The following WDR44 variants were observed in gnomAD, a reference collection of about 807,000 sequenced individuals.
WDR44 encodes the protein WD repeat-containing protein 44.
WDR44 carries 9 observed loss-of-function variants against 65.7 expected under a neutral mutation model. That is an observed-to-expected ratio of 0.14 (90% confidence interval 0.08 to 0.24). The LOEUF (loss-of-function observed/expected upper bound fraction) is 0.24. Ranked by LOEUF, WDR44 falls within the 10% of genes least tolerant of loss-of-function variation. The pLI is 1.00. For missense variants in WDR44, 425 were observed against 670.9 expected (o/e 0.63, Z 4.05); for synonymous variants, 220 against 235.2 (o/e 0.94, Z 0.59).
Position 118,443,570 on chromosome X carries a change from A to G in WDR44, c.2395A>G (p.Thr799Ala). The change falls in exon 18 of 20, where the codon ACT (threonine) becomes GCT (alanine). Residue 799 changes from threonine to alanine, a missense_variant. Transcript: ENST00000254029. ...QIKASFSHDF[T>A]YLVSGSEDKY... Reference sequence around the variant, plus strand: ...CTCCCCAAAATTCAGCCATGATTTTACTTACCTCGTTAGTGGTTCAGAAGA... The same window carrying G: ...CTCCCCAAAATTCAGCCATGATTTTGCTTACCTCGTTAGTGGTTCAGAAGA... 1 of 1,208,797 alleles carries G rather than the reference A, an allele frequency of 8.3e-7. No individual in the cohort carries two copies. Among genetic ancestry groups the G allele is most frequent in the Non-Finnish European group, 1.1e-6 (1 of 893,826 alleles).
Position 118,411,016 on chromosome X carries a change from A to C in WDR44, c.1737+57A>C. 6 of 982,883 alleles carry C rather than the reference A, an allele frequency of 6.1e-6. No homozygotes were observed. In the South Asian group the frequency reaches 1.4e-4, roughly 22 times the overall value. The allele number at this position is 982,883 out of a possible 1,213,427, so 81.0% of individuals were successfully genotyped here. ...TCAGGTATGATTTAATTTGTTTACCATAAAGTATTTTTGTGTATCAGAAAT... is the reference window on the plus strand; with the variant it reads ...TCAGGTATGATTTAATTTGTTTACCCTAAAGTATTTTTGTGTATCAGAAAT... On this transcript the variant is annotated intron_variant, in intron 12 of 19. Coordinates refer to ENST00000254029, the MANE Select transcript of WDR44 (RefSeq NM_019045.5).
intron 1 of WDR44, among the ~76,000 whole-genome samples, chrX:118,348,738 GA>G (rs1381241266): frequency 8.9e-6 from 1 of 111,918 alleles, no homozygotes; most frequent in Non-Finnish European, 1.9e-5. Context: ...GAAATGTAGT[GA>G]GAAATCTTGA....
At chrX:118,433,387 T>C (rs1334149640) in intron 13 of WDR44, among the ~76,000 whole-genome samples, 2 of 110,661 alleles carry the variant, frequency 1.8e-5, no homozygotes, top group Admixed American at 9.7e-5. Flanking sequence ...GGAGGAAATA[T>C]GTAATAGTTA....
intron 12 of WDR44, among the ~76,000 whole-genome samples, chrX:118,414,677 G>A (rs1003082142): frequency 1.8e-5 from 2 of 111,351 alleles, no homozygotes; most frequent in Non-Finnish European, 3.8e-5. Context: ...TTGATTCTTC[G>A]CTTGGTTGCT....
chrX:118,391,646 G>T (rs1465817166), intron 3 of WDR44, among the ~76,000 whole-genome samples: 1 of 111,699 alleles, frequency 9.0e-6, no homozygotes, highest in Non-Finnish European at 1.9e-5. Flanking sequence ...TATTCTAAAT[G>T]TTGGCAGAAG....
rs749473336 is a variant in WDR44, at chrX:118,349,344, T to C, written c.77+2764T>C. On this transcript the variant is annotated intron_variant, in intron 1 of 19. Transcript: ENST00000254029. ...TCACTGCAGCATCAAACTCCTAAGC[T>C]CAAGTTATCTTCCCACAGGTGCATA... Among the ~76,000 whole-genome samples, 4 of 106,254 alleles carry C rather than the reference T, an allele frequency of 3.8e-5. No homozygotes were observed. The South Asian group carries it at 1.7e-3, about 44-fold the overall frequency. 92.3% of individuals were successfully genotyped at this position (106,254 alleles called of 115,157 possible). A position where few individuals can be genotyped will look rare whatever the true frequency, so the allele number is the denominator to read the frequency against.
Position 118,378,448 on chromosome X carries a change from T to G in WDR44, c.107T>G (p.Phe36Cys), listed in dbSNP as rs772821048. The change falls in exon 2 of 20, where the codon TTC becomes TGC. Residue 36 changes from phenylalanine to cysteine, a missense_variant. Physicochemically the swap from Phe to Cys is radical, Grantham distance 205. This residue lies in a region of WDR44 where 193 missense variants were observed against 209.0 expected (regional missense o/e 0.92). Transcript: ENST00000254029. The stretch of plus-strand genomic sequence containing the variant: ...CCAGGAAAAGTTGGGCTTTCAACAT[T>G]CAAGGTAAGTTGTGCTTTCTGAAAG... The part of the protein sequence containing the change: ...GSPGKVGLST[F>C]KETENTAYKV... 4 of 1,207,598 alleles carry G rather than the reference T, an allele frequency of 3.3e-6. No homozygotes were observed. Among genetic ancestry groups the G allele is most frequent in the Middle Eastern group, 2.3e-4 (1 of 4,341 alleles).
At chrX:118,411,190 A>G (rs1208691361) in intron 12 of WDR44, among the ~76,000 whole-genome samples, 1 of 111,486 alleles carries the variant, frequency 9.0e-6, no homozygotes, top group Non-Finnish European at 1.9e-5. Flanking sequence ...CTATACCACT[A>G]ATGTAAACTT....
chrX:118,348,622 G>T (rs983497928), intron 1 of WDR44, among the ~76,000 whole-genome samples: 1 of 111,556 alleles, frequency 9.0e-6, no homozygotes, highest in African/African-American at 3.3e-5. Context: ...AGCACTGAGG[G>T]CAGAAAAAGG....
rs2057375708 is a variant in WDR44, at chrX:118,449,838, A to G, written c.*851A>G. 1.8e-5 allele frequency: 2 copies of G among 112,229 alleles called. No homozygotes were observed. The highest frequency in any genetic ancestry group is 9.6e-5 in the Admixed American group (1 of 10,457). 9.2% of individuals were successfully genotyped at this position (112,229 alleles called of 1,213,427 possible). A position where few individuals can be genotyped will look rare whatever the true frequency, so the allele number is the denominator to read the frequency against. ...AATTTGAAAGCCTTTGTAAATATCA[A>G]TATAATGTACCAATGAAATAACATC... On this transcript the variant is annotated 3_prime_UTR_variant, in exon 20 of 20. Coordinates refer to ENST00000254029, the MANE Select transcript of WDR44 (RefSeq NM_019045.5).
intron 1 of WDR44, among the ~76,000 whole-genome samples, chrX:118,347,789 T>G (rs776400416): frequency 8.9e-6 from 1 of 112,726 alleles, no homozygotes; most frequent in Non-Finnish European, 1.9e-5. Flanking sequence ...TTCAGATGTT[T>G]GTCTTTCCAC....
At chrX:118,356,616 C>T (rs1398931366) in intron 1 of WDR44, among the ~76,000 whole-genome samples, 1 of 109,252 alleles carries the variant, frequency 9.2e-6, no homozygotes. Context: ...CTAATCAAAC[C>T]TCTATTGGCT....
chrX:118,414,996 T>G (rs1309353030), intron 12 of WDR44, among the ~76,000 whole-genome samples: 1 of 111,733 alleles, frequency 8.9e-6, no homozygotes, highest in East Asian at 2.8e-4. Context: ...CCCCATTCAG[T>G]ATTATGTTGG....
At chrX:118,352,320 A>T (rs866455875) in intron 1 of WDR44, among the ~76,000 whole-genome samples, 172 of 7,492 alleles carry the variant, frequency 0.023, 1 homozygote, top group African/African-American at 0.068. Context: ...CAGCTAATTT[A>T]TATATATATA....
At position 118,394,136 on chromosome X, in the gene WDR44, C is replaced by T; in HGVS notation, c.908C>T (p.Ser303Phe). The change falls in exon 5 of 20, where the codon TCT becomes TTT. Residue 303 changes from serine (S) to phenylalanine (F), a missense_variant. Ser to Phe is a radical substitution (Grantham distance 155). Around this residue, in one of 5 missense-constraint regions of WDR44, gnomAD observed 77 missense variants for 183.5 expected, o/e 0.42. Coordinates refer to ENST00000254029, the MANE Select transcript of WDR44 (RefSeq NM_019045.5). ...SESTVKDSQP[S>F]LDLASATSGD... is the part of the protein sequence containing the mutation. ...AGTACGGTTAAGGATTCTCAGCCTT[C>T]TCTTGATTTGGCAAGTGCTACCAGT... 8.3e-7 allele frequency: 1 copy of T among 1,211,494 alleles called. No individual in the cohort carries two copies. The highest frequency in any genetic ancestry group is 1.1e-6 in the Non-Finnish European group (1 of 895,072).
At position 118,393,009 on chromosome X, in the gene WDR44, T is replaced by A; in HGVS notation, c.564T>A (p.Asp188Glu). 7.4e-6 allele frequency: 9 copies of A among 1,211,729 alleles called. No homozygotes were observed. The highest frequency in any genetic ancestry group is 1.0e-5 in the Non-Finnish European group (9 of 895,494). The change falls in exon 4 of 20, where the codon GAT becomes GAA. Residue 188 changes from aspartate to glutamate, a missense_variant. Physicochemically the swap from Asp to Glu is conservative, Grantham distance 45. Around this residue, in one of 5 missense-constraint regions of WDR44, gnomAD observed 193 missense variants for 209.0 expected, o/e 0.92. Coordinates refer to ENST00000254029, the MANE Select transcript of WDR44 (RefSeq NM_019045.5). ...KEAVEVKGGG[D>E]VLEPVSSDSL... ...CAGTGGAAGTCAAAGGAGGTGGTGA[T>A]GTTTTAGAGCCTGTGTCCTCAGACT...
At position 118,396,965 on chromosome X, in the gene WDR44, C is replaced by A; in HGVS notation, c.1054-5C>A. 1 of 1,152,383 alleles carries A rather than the reference C, an allele frequency of 8.7e-7. No homozygotes were observed. Among genetic ancestry groups the A allele is most frequent in the Non-Finnish European group, 1.1e-6 (1 of 872,552 alleles). The allele number at this position is 1,152,383 out of a possible 1,213,427, so 95.0% of individuals were successfully genotyped here. A position where few individuals can be genotyped will look rare whatever the true frequency, so the allele number is the denominator to read the frequency against. On this transcript the variant is annotated splice_region_variant and splice_polypyrimidine_tract_variant and intron_variant, in intron 6 of 19. Coordinates refer to ENST00000254029, the MANE Select transcript of WDR44 (RefSeq NM_019045.5). Reference sequence around the variant, plus strand: ...GGTGTGATTGTTTTTTTTTTTTAACCTCAGGAAATTTTAGCCAGTGTAATG... The same window carrying A: ...GGTGTGATTGTTTTTTTTTTTTAACATCAGGAAATTTTAGCCAGTGTAATG...
intron 9 of WDR44, among the ~76,000 whole-genome samples, chrX:118,406,420 A>T (rs1328617088): frequency 1.8e-5 from 2 of 111,251 alleles, no homozygotes; most frequent in African/African-American, 3.3e-5. Context: ...AAATAAATAA[A>T]TTTTTTTAAT....
Position 118,392,627 on chromosome X carries a change from A to G in WDR44, c.187-5A>G, listed in dbSNP as rs200133651. The G allele has an allele frequency of 1.4e-5, 16 of 1,179,753 alleles. No individual in the cohort carries two copies. Among genetic ancestry groups the G allele is most frequent in the Admixed American group, 2.5e-5 (1 of 40,010 alleles). On this transcript the variant is annotated splice_region_variant and splice_polypyrimidine_tract_variant and intron_variant, in intron 3 of 19. Transcript: ENST00000254029. ...TTTAAAAACTACTTTTAACCCTTTC[A>G]TCAGATTATTGAAAGTATTATTGAG...
Sources: gnomAD v4.1 joint callset for allele counts (sites outside exome capture counted in the v4.1 genomes callset) on GRCh38, gnomAD v4.1.1 for gene constraint, gnomAD v4.1.1 regional missense constraint, MANE v1.5 for transcripts, NCBI Gene and HGNC (gene_info 2026-07-23, HGNC 2026-07-21) for gene names.